The following UBE2E2 variants were observed in gnomAD, a reference collection of about 807,000 sequenced individuals.
UBE2E2 encodes ubiquitin conjugating enzyme E2 E2, also known as ubiquitin-conjugating enzyme E2 E2.
In UBE2E2, 6 loss-of-function variants were observed where a neutral mutation model predicts 24.7. The observed-to-expected ratio is 0.24, with a 90% CI of 0.13 to 0.48. UBE2E2 has a LOEUF of 0.48. UBE2E2 is among the 20% of genes least tolerant of loss of function. The probability of loss-of-function intolerance (pLI) is 0.99; values close to 1 mark genes in which losing one functional copy is unlikely to be tolerated. For synonymous variants in UBE2E2, 104 were observed against 83.6 expected (o/e 1.24, Z -1.33); for missense variants, 169 against 245.0 (o/e 0.69, Z 2.07).
chr3:23,364,558 C>T (rs1696206654), intron 3 of UBE2E2, among the ~76,000 whole-genome samples: 1 of 152,046 alleles, frequency 6.6e-6, no homozygotes, highest in African/African-American at 2.4e-5. Context: ...CATACGACCT[C>T]CCAAGATTGA....
chr3:23,243,125 C>T (rs1437192822), intron 3 of UBE2E2, among the ~76,000 whole-genome samples: 2 of 151,642 alleles, frequency 1.3e-5, no homozygotes, highest in East Asian at 3.9e-4. Context: ...AAATAGTTAT[C>T]ACTGAATAGA....
intron 3 of UBE2E2, among the ~76,000 whole-genome samples, chr3:23,233,130 GC>G (rs1697014225): frequency 6.6e-6 from 1 of 152,204 alleles, no homozygotes; most frequent in South Asian, 2.1e-4. Flanking sequence ...GAGGGAGTTG[GC>G]AATAGCCTGA....
intron 3 of UBE2E2, among the ~76,000 whole-genome samples, chr3:23,438,591 T>C (rs1698233546): frequency 6.6e-6 from 1 of 152,238 alleles, no homozygotes; most frequent in Non-Finnish European, 1.5e-5. Flanking sequence ...TATAGCATTA[T>C]GATAGGCAGT....
chr3:23,560,107 A>T (rs1212021476), intron 5 of UBE2E2, among the ~76,000 whole-genome samples: 1 of 152,064 alleles, frequency 6.6e-6, no homozygotes, highest in Non-Finnish European at 1.5e-5. Flanking sequence ...CATGTGCACA[A>T]CGTGCAGGTT....
At chr3:23,475,737 C>T (rs1422933987) in intron 3 of UBE2E2, among the ~76,000 whole-genome samples, 1 of 151,976 alleles carries the variant, frequency 6.6e-6, no homozygotes, top group Non-Finnish European at 1.5e-5. Context: ...CACTACTGCC[C>T]AGACCGGGGC....
At chr3:23,345,340 C>A (rs1263347480) in intron 3 of UBE2E2, among the ~76,000 whole-genome samples, 1 of 152,098 alleles carries the variant, frequency 6.6e-6, no homozygotes, top group African/African-American at 2.4e-5. Flanking sequence ...ATATTTGGGA[C>A]AGGTTAATGA....
rs544085459 is a variant in UBE2E2 at position 23,276,284 on chromosome 3, A to G, written c.227+58972A>G. Among the ~76,000 whole-genome samples the G allele has an allele frequency of 5.3e-5, 8 of 152,152 alleles. No individual in the cohort carries two copies. In the South Asian group the frequency reaches 1.5e-3, roughly 28 times the overall value. On this transcript the variant is annotated intron_variant, in intron 3 of 5. Transcript: ENST00000396703. ...TAGTTTTATGGAAAAAATACACTTC[A>G]TTTATTCTAATTTTTGATTTTAAAT...
chr3:23,379,801 G>T (rs1379125301), intron 3 of UBE2E2, among the ~76,000 whole-genome samples: 9 of 152,048 alleles, frequency 5.9e-5, no homozygotes, highest in Non-Finnish European at 1.3e-4. Flanking sequence ...AAGAAAGTAG[G>T]GCAGGTAAGC....
chr3:23,468,344 AC>A (rs1330808935), intron 3 of UBE2E2, among the ~76,000 whole-genome samples: 1 of 152,226 alleles, frequency 6.6e-6, no homozygotes, highest in East Asian at 1.9e-4. Flanking sequence ...ATCTATGTAC[AC>A]AAGAGCAAAG....
At chr3:23,486,252 C>G (rs562456696) in intron 3 of UBE2E2, among the ~76,000 whole-genome samples, 62 of 152,318 alleles carry the variant, frequency 4.1e-4, no homozygotes, top group Non-Finnish European at 7.8e-4. Flanking sequence ...CCGTGCAAGG[C>G]TGTAGCTGTA....
chr3:23,409,402 C>A (rs1015013412), intron 3 of UBE2E2, among the ~76,000 whole-genome samples: 3 of 152,222 alleles, frequency 2.0e-5, no homozygotes, highest in South Asian at 4.1e-4. Flanking sequence ...AACATAGGAA[C>A]CCTTTGGGTA....
At chr3:23,423,196 A>G (rs146882888) in intron 3 of UBE2E2, among the ~76,000 whole-genome samples, 40 of 152,334 alleles carry the variant, frequency 2.6e-4, no homozygotes, top group Non-Finnish European at 4.1e-4. Flanking sequence ...TAATTGTTTT[A>G]TTCTCCCAAC....
At chr3:23,207,321 T>TA (rs1696176972) in intron 1 of UBE2E2, among the ~76,000 whole-genome samples, 1 of 152,092 alleles carries the variant, frequency 6.6e-6, no homozygotes, top group Non-Finnish European at 1.5e-5. Context: ...TACCTAAATA[T>TA]CAAGGTATTG....
At chr3:23,247,368 T>TG (rs1697440435) in intron 3 of UBE2E2, among the ~76,000 whole-genome samples, 1 of 151,658 alleles carries the variant, frequency 6.6e-6, no homozygotes, top group Non-Finnish European at 1.5e-5. Flanking sequence ...TTTTTTTTTT[T>TG]TTTTTGAGAC....
At chr3:23,532,499 G>C in intron 4 of UBE2E2, 55 bp from the exon 5 acceptor site, 2 of 1,430,656 alleles carry the variant, frequency 1.4e-6, no homozygotes, top group Admixed American at 1.9e-5. Context: ...ATTGTCTATA[G>C]ATACTGTTAA....
chr3:23,352,566 C>T (rs1215004694), intron 3 of UBE2E2, among the ~76,000 whole-genome samples: 1 of 152,146 alleles, frequency 6.6e-6, no homozygotes, highest in Non-Finnish European at 1.5e-5. Context: ...CCACCAATCC[C>T]ACAGAAATGC....
At position 23,589,972 on chromosome 3, in the gene UBE2E2, C is replaced by T; in HGVS notation, c.*141C>T. Reference sequence around the variant, plus strand: ...GAACCATTTTGTGATGGTATGTTGTCCATCTTCCCATCCCAGTTCTTCCTG... The same window carrying T: ...GAACCATTTTGTGATGGTATGTTGTTCATCTTCCCATCCCAGTTCTTCCTG... On this transcript the variant is annotated 3_prime_UTR_variant, in exon 6 of 6. Transcript: ENST00000396703. The surrounding 1 kb of genome is among the most constrained non-coding windows in gnomAD (Gnocchi z 4.1). 1.5e-6 allele frequency: 1 copy of T among 674,972 alleles called. No individual in the cohort carries two copies. The highest frequency in any genetic ancestry group is 2.5e-6 in the Non-Finnish European group (1 of 402,982). 41.8% of individuals were successfully genotyped at this position (674,972 alleles called of 1,614,324 possible).
intron 3 of UBE2E2, among the ~76,000 whole-genome samples, chr3:23,360,561 C>T (rs1696086111): frequency 6.6e-6 from 1 of 152,108 alleles, no homozygotes; most frequent in Admixed American, 6.6e-5. Flanking sequence ...ATAATGAAAT[C>T]TTCCTGACAT....
rs1485684894 is a variant in UBE2E2, at chr3:23,589,527, A to G, written c.509-207A>G. Among the ~76,000 whole-genome samples the G allele has an allele frequency of 2.6e-5, 4 of 152,306 alleles. No individual in the cohort carries two copies. The highest frequency in any genetic ancestry group is 1.9e-4 in the East Asian group (1 of 5,182). ...GTCAAGAAATATGACAAGAGCTATC[A>G]GTAAAATACAGATAGGTGACTCTTG... On this transcript the variant is annotated intron_variant, in intron 5 of 5. Coordinates refer to ENST00000396703, the MANE Select transcript of UBE2E2 (RefSeq NM_152653.4). This position sits in a 1 kb window ranked among gnomAD's most constrained non-coding sequence, Gnocchi z 4.1.
Sources: gnomAD v4.1 joint callset for allele counts (sites outside exome capture counted in the v4.1 genomes callset) on GRCh38, gnomAD v4.1.1 for gene constraint, Gnocchi (gnomAD v3.1) non-coding constraint, MANE v1.5 for transcripts, NCBI Gene and HGNC (gene_info 2026-07-23, HGNC 2026-07-21) for gene names.